The following SHANK2 variants were observed in gnomAD, a reference collection of about 807,000 sequenced individuals.
SHANK2 encodes the protein SH3 and multiple ankyrin repeat domains 2.
In SHANK2, 43 loss-of-function variants were observed where a neutral mutation model predicts 133.7. That is an observed-to-expected ratio of 0.32 (90% CI 0.25 to 0.41). The LOEUF (loss-of-function observed/expected upper bound fraction) is 0.41. Among genes scored for constraint, SHANK2 ranks in the 10% least tolerant of loss-of-function variants. The probability of loss-of-function intolerance (pLI) is 1.00; values close to 1 mark genes in which losing one functional copy is unlikely to be tolerated. For synonymous variants in SHANK2, 1,017 were observed against 952.8 expected (o/e 1.07, Z -1.24); for missense variants, 1,994 against 2,235.8 (o/e 0.89, Z 2.18).
chr11:70,496,682 G>A (rs1049435195), intron 21 of SHANK2, among the ~76,000 whole-genome samples: 1 of 152,174 alleles, frequency 6.6e-6, no homozygotes, highest in Admixed American at 6.5e-5. Context: ...GCCATATGGG[G>A]GCAAACCATG....
At chr11:71,158,345 A>G (rs1445780601) in intron 2 of SHANK2, among the ~76,000 whole-genome samples, 1 of 152,236 alleles carries the variant, frequency 6.6e-6, no homozygotes, top group Admixed American at 6.5e-5. Context: ...ACATTCAAAA[A>G]ACACTATAAT....
intron 17 of SHANK2, among the ~76,000 whole-genome samples, chr11:70,543,526 G>A (rs2059649970): frequency 6.6e-6 from 1 of 152,226 alleles, no homozygotes; most frequent in African/African-American, 2.4e-5. Flanking sequence ...GTTTGGAGGA[G>A]TTTCTGAATA....
At chr11:70,700,810 C>A (rs910487686) in intron 14 of SHANK2, among the ~76,000 whole-genome samples, 1 of 152,208 alleles carries the variant, frequency 6.6e-6, no homozygotes, top group African/African-American at 2.4e-5. Context: ...CCTCCACAGG[C>A]TGGATGAGGG....
chr11:70,926,906 T>C (rs2135783862), intron 10 of SHANK2, among the ~76,000 whole-genome samples: 1 of 152,328 alleles, frequency 6.6e-6, no homozygotes, highest in African/African-American at 2.4e-5. Context: ...GAGGCGTCCA[T>C]GGTCTGACCC....
In SHANK2 at chr11:70,479,919, A is replaced by C. The variant is rs2135700772; in HGVS notation, c.4979+5395T>G. ...GCTGCTGTGTTCTCCTGGGTTCCTT[A>C]GGCACTTAGCCCTTGAGTCTCCCTG... On this transcript the variant is annotated intron_variant, in intron 25 of 25. Transcript: ENST00000601538. This position sits in a 1 kb window ranked among gnomAD's most constrained non-coding sequence, Gnocchi z 4.4. Among the ~76,000 whole-genome samples the C allele has an allele frequency of 6.6e-6, 1 of 152,278 alleles. No individual in the cohort carries two copies. Among genetic ancestry groups the C allele is most frequent in the Admixed American group, 6.5e-5 (1 of 15,300 alleles).
At chr11:70,554,646 C>T (rs1337644272) in intron 17 of SHANK2, among the ~76,000 whole-genome samples, 1 of 151,936 alleles carries the variant, frequency 6.6e-6, no homozygotes, top group Non-Finnish European at 1.5e-5. Context: ...TTATAATTAA[C>T]TAAATCCACA....
At chr11:70,820,761 A>G (rs1948501226) in intron 11 of SHANK2, 79 bp from the exon 12 acceptor site, 4 of 595,676 alleles carry the variant, frequency 6.7e-6, no homozygotes, top group Non-Finnish European at 1.2e-5. Flanking sequence ...AGGGAGGTGC[A>G]GGCCTGCGTG....
intron 14 of SHANK2, among the ~76,000 whole-genome samples, chr11:70,753,119 AAACAAAACAAACAAAC>A (rs1946790285): frequency 6.6e-6 from 1 of 152,006 alleles, no homozygotes; most frequent in Non-Finnish European, 1.5e-5. Flanking sequence ...TCTCAAAACA[AAACAAAACAAACAAAC>A]AACAAAACAA....
rs1004767952 is a variant in SHANK2 at position 71,082,048 on chromosome 11, G to T, written c.913-6773C>A. 4.3e-4 allele frequency among the ~76,000 whole-genome samples: 66 copies of T among 152,324 alleles called. 1 individual carries two copies. The highest frequency in any genetic ancestry group is 1.6e-3 in the African/African-American group (66 of 41,576). ...GCTGCCAAGCACATGCCAGCACAAAGGGCCAGAACCCTGTTCACAATGTCC... is the reference window on the plus strand; with the variant it reads ...GCTGCCAAGCACATGCCAGCACAAATGGCCAGAACCCTGTTCACAATGTCC... On this transcript the variant is annotated intron_variant, in intron 8 of 25. Coordinates refer to ENST00000601538, the MANE Select transcript of SHANK2 (RefSeq NM_012309.5).
At chr11:70,481,511 C>T (rs1555151595) in intron 25 of SHANK2, among the ~76,000 whole-genome samples, 1 of 152,202 alleles carries the variant, frequency 6.6e-6, no homozygotes, top group Non-Finnish European at 1.5e-5. Context: ...GAGGTTTCTG[C>T]CCATTTCATG....
intron 21 of SHANK2, among the ~76,000 whole-genome samples, chr11:70,493,783 A>T (rs2058931118): frequency 6.6e-6 from 1 of 152,228 alleles, no homozygotes; most frequent in South Asian, 2.1e-4. Flanking sequence ...CATCTGGAAC[A>T]TTCTGCCTTC....
At chr11:70,670,815 C>T (rs1944785562) in intron 15 of SHANK2, among the ~76,000 whole-genome samples, 1 of 152,182 alleles carries the variant, frequency 6.6e-6, no homozygotes, top group South Asian at 2.1e-4. Context: ...TGACTTTGGG[C>T]AATTCCTGCA....
At chr11:70,814,414 A>C (rs1948346592) in intron 12 of SHANK2, among the ~76,000 whole-genome samples, 1 of 151,248 alleles carries the variant, frequency 6.6e-6, no homozygotes, top group African/African-American at 2.4e-5. Flanking sequence ...AGCCACCCCC[A>C]CTTTCTAGGT....
chr11:70,709,473 T>A (rs1476818391), intron 14 of SHANK2, among the ~76,000 whole-genome samples: 13 of 152,250 alleles, frequency 8.5e-5, no homozygotes, highest in African/African-American at 3.1e-4. Flanking sequence ...AGGTCTGACC[T>A]GGCTGAGGAA....
At chr11:70,898,587 G>A (rs1377732444) in intron 10 of SHANK2, among the ~76,000 whole-genome samples, 2 of 152,294 alleles carry the variant, frequency 1.3e-5, no homozygotes, top group East Asian at 1.9e-4. Flanking sequence ...TAGTATTTTT[G>A]TGGAAGGTAG....
chr11:71,113,143 C>T, intron 5 of SHANK2, 150 bp downstream of exon 5: 1 of 730,862 alleles, frequency 1.4e-6, no homozygotes, highest in Non-Finnish European at 2.3e-6. Flanking sequence ...CCGTAAGGGC[C>T]AGTCTGCCTG....
chr11:71,150,887 T>C (rs1952783460), intron 2 of SHANK2, among the ~76,000 whole-genome samples: 1 of 152,118 alleles, frequency 6.6e-6, no homozygotes. Flanking sequence ...GTTCCTAAAA[T>C]GAGAATGGGC....
intron 14 of SHANK2, among the ~76,000 whole-genome samples, chr11:70,758,853 C>T (rs1382541087): frequency 1.3e-5 from 2 of 152,182 alleles, no homozygotes. Flanking sequence ...AAGGGGACAC[C>T]ACAGAAGCCT....
chr11:70,478,414 GGAGCC>G (rs1555150666), intron 25 of SHANK2, among the ~76,000 whole-genome samples: 1 of 152,208 alleles, frequency 6.6e-6, no homozygotes, highest in Non-Finnish European at 1.5e-5. Flanking sequence ...GGCTGGACTT[GGAGCC>G]TGTCAACATA....
Sources: gnomAD v4.1 joint callset for allele counts (sites outside exome capture counted in the v4.1 genomes callset) on GRCh38, gnomAD v4.1.1 for gene constraint, Gnocchi (gnomAD v3.1) non-coding constraint, MANE v1.5 for transcripts, NCBI Gene and HGNC (gene_info 2026-07-23, HGNC 2026-07-21) for gene names.